Variants in XPO5 observed in about 807,000 individuals in gnomAD.
XPO5 encodes the protein exportin-5.
Under a neutral mutation model 160.6 loss-of-function variants are expected in XPO5, and 46 were observed. That is an observed-to-expected ratio of 0.29 (90% CI 0.23 to 0.37). XPO5 has a LOEUF of 0.37. XPO5 is among the 10% of genes least tolerant of loss of function. The pLI, the probability that XPO5 is intolerant of heterozygous loss-of-function variation, is 1.00. For synonymous variants in XPO5, 537 were observed against 519.3 expected (o/e 1.03, Z -0.46); for missense variants, 1,090 against 1,463.9 (o/e 0.74, Z 4.17).
At chr6:43,544,142 A>G (rs982608660) in intron 20 of XPO5, 1 of 153,606 alleles carries the variant, frequency 6.5e-6, no homozygotes, top group African/African-American at 2.4e-5. Context: ...AATGATAACC[A>G]TCTGAAGACT....
chr6:43,573,876 T>C (rs1251895564), intron 1 of XPO5, among the ~76,000 whole-genome samples: 1 of 148,716 alleles, frequency 6.7e-6, no homozygotes, highest in Non-Finnish European at 1.5e-5. Context: ...CAGGCTGGAA[T>C]GCAATGGCAT....
chr6:43,526,653 G>C, intron 27 of XPO5, 32 bp downstream of exon 27: 2 of 1,612,378 alleles, frequency 1.2e-6, no homozygotes, highest in Non-Finnish European at 1.7e-6. Flanking sequence ...GAGGCTAAGA[G>C]CAGAACTCCA....
intron 17 of XPO5, 62 bp from the exon 18 acceptor site, chr6:43,548,522 C>T: frequency 2.2e-6 from 3 of 1,386,852 alleles, no homozygotes; most frequent in Non-Finnish European, 2.9e-6. Context: ...GGAGAGGTGG[C>T]TTACTCAAGG....
chr6:43,530,609 T>C (rs1793906935), intron 23 of XPO5, 79 bp downstream of exon 23: 1 of 1,513,144 alleles, frequency 6.6e-7, no homozygotes, highest in Non-Finnish European at 9.0e-7. Context: ...GCCTCTTCCC[T>C]CTGGTTGCTG....
rs776110268 is a variant in XPO5, at chr6:43,533,928, C to T, written c.2422G>A (p.Ala808Thr). 20 of 1,604,432 alleles carry T rather than the reference C, an allele frequency of 1.2e-5. No individual in the cohort carries two copies. Among genetic ancestry groups the T allele is most frequent in the East Asian group, 1.1e-4 (5 of 44,408 alleles). Reference protein sequence around the residue: ...PFTKALDMLDAEKSAILGLPQ... With the variant: ...PFTKALDMLDTEKSAILGLPQ... ...TTACCTAATATAGCAGATTTTTCCG[C>T]GTCAAGCATATCCAGAGCCTTGGTG... Residue 808 changes from alanine to threonine, a missense_variant, in exon 21 of 32, where the codon GCG (alanine) becomes ACG (threonine). Transcript: ENST00000265351.
At chr6:43,526,891 T>C in intron 26 of XPO5, 144 bp from the exon 27 acceptor site, 1 of 771,958 alleles carries the variant, frequency 1.3e-6, no homozygotes, top group Non-Finnish European at 2.2e-6. Context: ...AAGAATTAGC[T>C]TCACCAATAG....
chr6:43,573,430 T>C (rs761797531), intron 2 of XPO5, 50 bp downstream of exon 2: 3 of 1,606,740 alleles, frequency 1.9e-6, no homozygotes, highest in Non-Finnish European at 1.7e-6. Context: ...ATATAAGATA[T>C]AAAGATCTGT....
chr6:43,523,353 C>A lies in XPO5; in HGVS notation c.*515G>T. 1 of 276,562 alleles carries A rather than the reference C, an allele frequency of 3.6e-6. No homozygotes were observed. Among genetic ancestry groups the A allele is most frequent in the Non-Finnish European group, 7.1e-6 (1 of 140,966 alleles). 17.1% of individuals were successfully genotyped at this position (276,562 alleles called of 1,614,324 possible). On this transcript the variant is annotated 3_prime_UTR_variant, in exon 32 of 32. Coordinates refer to ENST00000265351, the MANE Select transcript of XPO5 (RefSeq NM_020750.3). ...CCAAGTTCTCTTCAGCACTTAGCAC[C>A]TAACCCAGACATGCCCCTTAGGGAG...
intron 20 of XPO5, among the ~76,000 whole-genome samples, chr6:43,536,758 T>TTA (rs1363285984): frequency 2.6e-4 from 5 of 19,082 alleles, no homozygotes; most frequent in Non-Finnish European, 3.4e-4. Context: ...AGACTCTATC[T>TTA]AAAAAAAAAA....
intron 3 of XPO5, among the ~76,000 whole-genome samples, chr6:43,572,054 T>G (rs759107003): frequency 1.3e-5 from 2 of 152,212 alleles, no homozygotes; most frequent in Non-Finnish European, 2.9e-5. Flanking sequence ...GTAAGAGACA[T>G]ATGCTGAATT....
chr6:43,526,400 G>A, intron 27 of XPO5: 1 of 465,508 alleles, frequency 2.1e-6, no homozygotes. Flanking sequence ...TTTTTGATAG[G>A]TTGGTCATGG....
intron 20 of XPO5, chr6:43,539,315 A>C (rs1035400925): frequency 1.9e-6 from 3 of 1,567,746 alleles, no homozygotes; most frequent in Non-Finnish European, 2.6e-6. Flanking sequence ...GTAGTCCCCG[A>C]TAGCAACAAA....
chr6:43,552,945 T>G (rs985069695), intron 14 of XPO5, among the ~76,000 whole-genome samples: 15 of 152,188 alleles, frequency 9.9e-5, no homozygotes, highest in African/African-American at 3.6e-4. Flanking sequence ...TGTTTGAACT[T>G]GAGTATGCTA....
chr6:43,561,972 G>C (rs953784272), intron 9 of XPO5: 5 of 278,516 alleles, frequency 1.8e-5, no homozygotes, highest in Non-Finnish European at 2.7e-5. Context: ...GGTTCTGTAA[G>C]TACCAAAATT....
intron 28 of XPO5, chr6:43,525,553 T>C: frequency 1.9e-6 from 1 of 525,180 alleles, no homozygotes; most frequent in Non-Finnish European, 3.4e-6. Flanking sequence ...CCTGTATGTG[T>C]AGGATGGAGA....
intron 14 of XPO5, 87 bp from the exon 15 acceptor site, chr6:43,551,540 A>T: frequency 6.7e-7 from 1 of 1,501,374 alleles, no homozygotes; most frequent in Non-Finnish European, 9.1e-7. Context: ...CATCTTTTAA[A>T]GAGACAGGGT....
In XPO5 at chr6:43,528,873, G is replaced by T; in HGVS notation, c.2730C>A (p.Ala910=). Residue 910 remains alanine (A), a synonymous_variant, in exon 24 of 32, where the codon GCC becomes GCA. Transcript: ENST00000265351. ...VLFCPPEHYE[A]LVSPILGPLF... Reference sequence around the variant, plus strand: ...GAGGTCCGAGGATGGGGGATACCAGGGCTTCATAGTGCTCTGGGGGACAGA... The same window carrying T: ...GAGGTCCGAGGATGGGGGATACCAGTGCTTCATAGTGCTCTGGGGGACAGA... 6.2e-7 allele frequency: 1 copy of T among 1,613,928 alleles called. No individual in the cohort carries two copies. Among genetic ancestry groups the T allele is most frequent in the South Asian group, 1.1e-5 (1 of 91,072 alleles).
intron 26 of XPO5, 97 bp downstream of exon 26, chr6:43,527,537 A>T: frequency 8.0e-7 from 1 of 1,248,866 alleles, no homozygotes; most frequent in Non-Finnish European, 1.2e-6. Context: ...GCAAACATGA[A>T]TCCTTTGCAT....
chr6:43,554,994 T>A (rs1044387389), intron 13 of XPO5: 21 of 146,376 alleles, frequency 1.4e-4, no homozygotes, highest in African/African-American at 5.1e-4. Context: ...CAGGCTGGAG[T>A]ACAATGGCGC....
Sources: allele counts gnomAD v4.1 joint callset (sites outside exome capture counted in the v4.1 genomes callset), GRCh38; gene constraint gnomAD v4.1.1; transcripts MANE v1.5; gene names NCBI Gene and HGNC (gene_info 2026-07-23, HGNC 2026-07-21).